FAHD2A: variants seen among roughly 807,000 people sequenced by gnomAD.
The protein encoded by FAHD2A is oxaloacetate tautomerase FAHD2A, mitochondrial.
Under a neutral mutation model 33.4 loss-of-function variants are expected in FAHD2A, and 27 were observed. That is an observed-to-expected ratio of 0.81 (90% CI 0.60 to 1.11). The LOEUF (loss-of-function observed/expected upper bound fraction) is 1.11. Ranked by LOEUF, FAHD2A falls within the 50% of genes most tolerant of loss-of-function variation. FAHD2A has a pLI of 0.00. For synonymous variants in FAHD2A, 130 were observed against 153.3 expected, an observed-to-expected ratio of 0.85 and a Z score of 1.12; for missense variants, 296 against 395.0, an observed-to-expected ratio of 0.75 and a Z score of 2.12.
At chr2:95,416,923 C>G (rs1222647343), downstream of FAHD2A, among the ~76,000 whole-genome samples, 1 of 152,208 alleles carries the variant, frequency 6.6e-6, no homozygotes, top group Non-Finnish European at 1.5e-5. Context: ...ACAACCTCTC[C>G]AAAGGTACCC....
Position 95,416,183 on chromosome 2 carries a change from G to A in FAHD2A, c.*3226G>A, listed in dbSNP as rs1683153005. 6.6e-6 allele frequency: 1 copy of A among 152,186 alleles called. No individual in the cohort carries two copies. Among genetic ancestry groups the A allele is most frequent in the African/African-American group, 2.4e-5 (1 of 41,430 alleles). The allele number at this position is 152,186 out of a possible 1,614,324, so 9.4% of individuals were successfully genotyped here. A position where few individuals can be genotyped will look rare whatever the true frequency, so the allele number is the denominator to read the frequency against. ...CCTGGTTCTGCTAGGAACACGTGTG[G>A]GGCTTTGTGTGGGTGACTCTCTGGC... On this transcript the variant is annotated 3_prime_UTR_variant, in exon 8 of 8. Coordinates refer to ENST00000233379, the MANE Select transcript of FAHD2A (RefSeq NM_016044.3).
At chr2:95,421,247 ATGTT>A (rs1683310663), downstream of FAHD2A, among the ~76,000 whole-genome samples, 1 of 92,996 alleles carries the variant, frequency 1.1e-5, no homozygotes, top group Non-Finnish European at 2.0e-5. Flanking sequence ...GAGACTCAGA[ATGTT>A]TGCTGCCCCT....
At chr2:95,419,638 G>T (rs1683286552), downstream of FAHD2A, among the ~76,000 whole-genome samples, 1 of 152,062 alleles carries the variant, frequency 6.6e-6, no homozygotes, top group Non-Finnish European at 1.5e-5. Context: ...GGAAGGCCCT[G>T]TGATGAAACG....
rs1681669630 is a variant in FAHD2A, at chr2:95,406,952, C to T, written c.257C>T (p.Ala86Val). The change falls in exon 3 of 8, where the codon GCC (alanine) becomes GTC (valine). Residue 86 changes from alanine to valine, a missense_variant. Physicochemically the swap from Ala to Val is moderately conservative, Grantham distance 64. Coordinates refer to ENST00000233379, the MANE Select transcript of FAHD2A (RefSeq NM_016044.3). ...TCTGGTCTCTACAGAGCCCTGGCTGCCCAGTTGCCAGTCCTACCACGGTCG... is the reference window on the plus strand; with the variant it reads ...TCTGGTCTCTACAGAGCCCTGGCTGTCCAGTTGCCAGTCCTACCACGGTCG... Reference protein sequence around the residue: ...TLSVARRALAAQLPVLPRSEV... With the variant: ...TLSVARRALAVQLPVLPRSEV... 6.2e-7 allele frequency: 1 copy of T among 1,613,302 alleles called. No individual in the cohort carries two copies. Among genetic ancestry groups the T allele is most frequent in the Non-Finnish European group, 8.5e-7 (1 of 1,179,542 alleles).
At chr2:95,417,105 T>G (rs1458327925), downstream of FAHD2A, among the ~76,000 whole-genome samples, 1 of 152,188 alleles carries the variant, frequency 6.6e-6, no homozygotes, top group Non-Finnish European at 1.5e-5. Flanking sequence ...CAATCTTTTC[T>G]AAAAAGAAAG....
chr2:95,419,021 A>C (rs1184797360), downstream of FAHD2A, among the ~76,000 whole-genome samples: 2 of 152,072 alleles, frequency 1.3e-5, no homozygotes, highest in East Asian at 3.9e-4. Flanking sequence ...TGGAGGCTGA[A>C]GTGATGCAGC....
At position 95,413,065 on chromosome 2, in the gene FAHD2A, C is replaced by A. The variant is rs1420094030; in HGVS notation, c.*108C>A. The A allele has an allele frequency of 2.2e-6, 3 of 1,371,166 alleles. No homozygotes were observed. The highest frequency in any genetic ancestry group is 3.0e-6 in the Non-Finnish European group (3 of 997,360). 84.9% of individuals were successfully genotyped at this position (1,371,166 alleles called of 1,614,324 possible). A position where few individuals can be genotyped will look rare whatever the true frequency, so the allele number is the denominator to read the frequency against. On this transcript the variant is annotated 3_prime_UTR_variant, in exon 8 of 8. Coordinates refer to ENST00000233379, the MANE Select transcript of FAHD2A (RefSeq NM_016044.3). ...GTGGACAGGTGCCAGCCCTGCAAGC[C>A]GCCTCTTCTCGGTAGAAGGGAGAAG...
In FAHD2A at chr2:95,413,678, A is replaced by G; in HGVS notation, c.*721A>G. On this transcript the variant is annotated 3_prime_UTR_variant, in exon 8 of 8. Transcript: ENST00000233379. Reference sequence around the variant, plus strand: ...CCTGCCTTGAGACCTCTGACCCCTTAGGCCTCAGTGTTTGAGTGCAAATGC... The same window carrying G: ...CCTGCCTTGAGACCTCTGACCCCTTGGGCCTCAGTGTTTGAGTGCAAATGC... The G allele has an allele frequency of 8.4e-7, 1 of 1,193,364 alleles. No homozygotes were observed. Among genetic ancestry groups the G allele is most frequent in the Middle Eastern group, 2.9e-4 (1 of 3,460 alleles). The allele number at this position is 1,193,364 out of a possible 1,614,324, so 73.9% of individuals were successfully genotyped here. A position where few individuals can be genotyped will look rare whatever the true frequency, so the allele number is the denominator to read the frequency against.
At chr2:95,412,637 C>G (rs1682724237) in intron 6 of FAHD2A, 40 bp from the exon 7 acceptor site, 1 of 1,613,616 alleles carries the variant, frequency 6.2e-7, no homozygotes, top group African/African-American at 1.3e-5. Context: ...GCCACCTCAG[C>G]CAGCCCCTGG....
chr2:95,418,214 G>C (rs901957953), downstream of FAHD2A, among the ~76,000 whole-genome samples: 1 of 151,998 alleles, frequency 6.6e-6, no homozygotes, highest in Non-Finnish European at 1.5e-5. Context: ...AGGCAAAATA[G>C]AAAATGGATA....
At position 95,407,005 on chromosome 2, in the gene FAHD2A, C is replaced by T. The variant is rs773693722; in HGVS notation, c.310C>T (p.Arg104Ter). 5.6e-5 allele frequency: 90 copies of T among 1,613,960 alleles called. No individual in the cohort carries two copies. The highest frequency in any genetic ancestry group is 3.3e-4 in the Middle Eastern group (2 of 6,052). Residue 104 changes from arginine (R) to a stop codon, truncating the protein, a stop_gained, in exon 3 of 8, where the codon CGA (arginine) becomes TGA (stop). Coordinates refer to ENST00000233379, the MANE Select transcript of FAHD2A (RefSeq NM_016044.3). LOFTEE classifies it high-confidence loss of function. ...GGTAACCTTCCTGGCTCCAGTCACA[C>T]GACCAGATAAGGTGGTGTGTGTGGG... Reference protein sequence around the residue: ...SEVTFLAPVTRPDKVVCVGMN... With the variant: ...SEVTFLAPVT
Position 95,410,895 on chromosome 2 carries a change from T to A in FAHD2A, c.554T>A (p.Phe185Tyr). The A allele has an allele frequency of 6.2e-7, 1 of 1,613,994 alleles. No homozygotes were observed. Among genetic ancestry groups the A allele is most frequent in the Non-Finnish European group, 8.5e-7 (1 of 1,179,852 alleles). The change falls in exon 5 of 8, where the codon TTC (phenylalanine) becomes TAC (tyrosine). Residue 185 changes from phenylalanine to tyrosine, a missense_variant. By Grantham distance (22) the Phe-to-Tyr change is conservative. Coordinates refer to ENST00000233379, the MANE Select transcript of FAHD2A (RefSeq NM_016044.3). ...ATDAMAHVAG[F>Y]TVAHDVSARD... ...GATGCTATGGCCCACGTGGCCGGCT[T>A]CACTGTGGCTCATGACGTGAGTGCT...
In FAHD2A at chr2:95,414,280, AG is replaced by A; in HGVS notation, c.*1325del. On this transcript the variant is annotated 3_prime_UTR_variant, in exon 8 of 8. Coordinates refer to ENST00000233379, the MANE Select transcript of FAHD2A (RefSeq NM_016044.3). ...CCCTTCTTCCTGGGCGGTGGCCTGC[AG>A]GAACTGGAACAGCTGTTGGAGAGGA... The A allele has an allele frequency of 1.4e-6, 2 of 1,430,840 alleles. No individual in the cohort carries two copies. The highest frequency in any genetic ancestry group is 1.2e-5 in the South Asian group (1 of 86,918). The allele number at this position is 1,430,840 out of a possible 1,614,324, so 88.6% of individuals were successfully genotyped here. A position where few individuals can be genotyped will look rare whatever the true frequency, so the allele number is the denominator to read the frequency against.
rs1315893573 is a variant in FAHD2A at position 95,414,163 on chromosome 2, TG to T, written c.*1209del. 1.3e-6 allele frequency: 2 copies of T among 1,566,468 alleles called. No individual in the cohort carries two copies. Among genetic ancestry groups the T allele is most frequent in the African/African-American group, 2.7e-5 (2 of 73,204 alleles). The stretch of plus-strand genomic sequence containing the variant: ...ACTCTGCAGCCCGCCTTCCTAGAGT[TG>T]GGTTGTCACTGTCCGGCAGGGGGCA... On this transcript the variant is annotated 3_prime_UTR_variant, in exon 8 of 8. Transcript: ENST00000233379.
chr2:95,407,355 G>A (rs1455813770), intron 3 of FAHD2A, 198 bp downstream of exon 3: 10 of 713,310 alleles, frequency 1.4e-5, no homozygotes, highest in East Asian at 2.7e-5. Context: ...CAAAAGCAAT[G>A]CACCTTCACT....
At chr2:95,417,921 G>T (rs1683253492), downstream of FAHD2A, among the ~76,000 whole-genome samples, 1 of 152,088 alleles carries the variant, frequency 6.6e-6, no homozygotes, top group East Asian at 1.9e-4. Context: ...ATACATTTGG[G>T]AGTATACAAA....
downstream of FAHD2A, among the ~76,000 whole-genome samples, chr2:95,418,723 G>A (rs1303530700): frequency 6.6e-6 from 1 of 151,964 alleles, no homozygotes; most frequent in African/African-American, 2.4e-5. Context: ...AACCATACAA[G>A]GAGAAACCTG....
chr2:95,411,109 T>C (rs1421812573), intron 5 of FAHD2A, 83 bp downstream of exon 5: 1 of 1,564,626 alleles, frequency 6.4e-7, no homozygotes, highest in African/African-American at 1.4e-5. Context: ...TTCAGGTACA[T>C]GTGGCACCTG....
chr2:95,420,020 G>A (rs1683293115), downstream of FAHD2A, among the ~76,000 whole-genome samples: 1 of 152,032 alleles, frequency 6.6e-6, no homozygotes, highest in African/African-American at 2.4e-5. Flanking sequence ...GTAAGTTCCA[G>A]TTCAAAGGTA....
Sources: allele counts gnomAD v4.1 joint callset (sites outside exome capture counted in the v4.1 genomes callset), GRCh38; gene constraint gnomAD v4.1.1; transcripts MANE v1.5; gene names NCBI Gene and HGNC (gene_info 2026-07-23, HGNC 2026-07-21).